The following PRKG1 variants were observed in gnomAD, a reference collection of about 807,000 sequenced individuals.
PRKG1 encodes the protein cGMP-dependent protein kinase 1.
Under a neutral mutation model 88.1 loss-of-function variants are expected in PRKG1, and 35 were observed. The ratio of observed to expected loss-of-function variants is 0.40; its 90% CI spans 0.30 to 0.53. The LOEUF is 0.53. Among genes scored for constraint, PRKG1 ranks in the 20% least tolerant of loss-of-function variants. PRKG1 has a pLI of 0.59. For missense variants in PRKG1, 540 were observed against 839.8 expected, an observed-to-expected ratio of 0.64 and a Z score of 4.41; for synonymous variants, 303 against 292.5, an observed-to-expected ratio of 1.04 and a Z score of -0.37.
chr10:51,611,195 T>C (rs1475897967), intron 3 of PRKG1, among the ~76,000 whole-genome samples: 1 of 152,202 alleles, frequency 6.6e-6, no homozygotes, highest in African/African-American at 2.4e-5. Flanking sequence ...TTTTGAGAAA[T>C]CTTCAAACTG....
rs151331486 is a variant in PRKG1 at position 51,617,065 on chromosome 10, G to A, written c.592+149229G>A. Among the ~76,000 whole-genome samples the A allele has an allele frequency of 2.8e-3, 422 of 152,244 alleles. 1 individual carries two copies. Among genetic ancestry groups the A allele is most frequent in the African/African-American group, 9.8e-3 (408 of 41,542 alleles). On this transcript the variant is annotated intron_variant, in intron 3 of 17. Transcript: ENST00000373980. The stretch of plus-strand genomic sequence containing the variant: ...AGCATGAGCTTCCCTCTGGAGCAAT[G>A]CCATTGCACAGTCTCTCAGCAGCTC...
intron 1 of PRKG1, among the ~76,000 whole-genome samples, chr10:51,122,122 G>T (rs903918391): frequency 6.6e-6 from 1 of 152,178 alleles, no homozygotes; most frequent in African/African-American, 2.4e-5. Context: ...CAAACTAGCA[G>T]CTCTCTATTA....
At chr10:51,531,189 T>C (rs1434864073) in intron 3 of PRKG1, among the ~76,000 whole-genome samples, 1 of 152,206 alleles carries the variant, frequency 6.6e-6, no homozygotes, top group East Asian at 1.9e-4. Flanking sequence ...AATGGTCCTA[T>C]TATAGCCCTC....
chr10:52,233,099 C>A (rs1840565153), intron 9 of PRKG1, among the ~76,000 whole-genome samples: 1 of 151,420 alleles, frequency 6.6e-6, no homozygotes, highest in Non-Finnish European at 1.5e-5. Flanking sequence ...CTTGCAAAAC[C>A]CAATTAATTC....
At chr10:52,005,761 T>C (rs972991747) in intron 5 of PRKG1, among the ~76,000 whole-genome samples, 3 of 152,112 alleles carry the variant, frequency 2.0e-5, no homozygotes, top group African/African-American at 7.2e-5. Context: ...CCACCAATCT[T>C]ACCTCCCATA....
In PRKG1 at chr10:51,549,120, C is replaced by CTTTT. The variant is rs56045527; in HGVS notation, c.592+81302_592+81305dup. Among the ~76,000 whole-genome samples, 111 of 70,322 alleles carry CTTTT rather than the reference C, an allele frequency of 1.6e-3. 5 individuals carry two copies. In the Middle Eastern group the frequency reaches 0.036, roughly 23 times the overall value. The allele number at this position is 70,322 out of a possible 152,430, so 46.1% of individuals were successfully genotyped here. A position where few individuals can be genotyped will look rare whatever the true frequency, so the allele number is the denominator to read the frequency against. On this transcript the variant is annotated intron_variant, in intron 3 of 17. Transcript: ENST00000373980. ...TTCTTTCCTTTCTTTCTTTTCTTTT[C>CTTTT]TTTTTTTTTTTTTTTTTTTTTGAGA...
intron 8 of PRKG1, among the ~76,000 whole-genome samples, chr10:52,156,049 A>G (rs1838085642): frequency 6.6e-6 from 1 of 151,978 alleles, no homozygotes; most frequent in Non-Finnish European, 1.5e-5. Flanking sequence ...AACAGTTTAA[A>G]TGAAGTGTTT....
chr10:51,960,553 A>G lies in PRKG1; in HGVS notation c.762+52983A>G, dbSNP rs543512086. On this transcript the variant is annotated intron_variant, in intron 5 of 17. Coordinates refer to ENST00000373980, the MANE Select transcript of PRKG1 (RefSeq NM_006258.4). ...CGTTTTCTATTTTTTCTGTTCATGT[A>G]GTGTCACATTGATTCTATATCGTTA... 2.9e-4 allele frequency among the ~76,000 whole-genome samples: 44 copies of G among 149,666 alleles called. No individual in the cohort carries two copies. The South Asian group carries it at 9.0e-3, about 31-fold the overall frequency.
intron 3 of PRKG1, among the ~76,000 whole-genome samples, chr10:51,484,788 T>C (rs1349552753): frequency 6.6e-6 from 1 of 152,204 alleles, no homozygotes; most frequent in Non-Finnish European, 1.5e-5. Flanking sequence ...TGAATTGTTA[T>C]GCCTGAGTAT....
In PRKG1 at chr10:52,150,375, C is replaced by T. The variant is rs568345121; in HGVS notation, c.1002-11514C>T. Reference sequence around the variant, plus strand: ...GTTCAAATCCCAGTGTTGACACTTACTAGACATGTGACCTCGAGCAAATTA... The same window carrying T: ...GTTCAAATCCCAGTGTTGACACTTATTAGACATGTGACCTCGAGCAAATTA... On this transcript the variant is annotated intron_variant, in intron 8 of 17. Transcript: ENST00000373980. Among the ~76,000 whole-genome samples the T allele has an allele frequency of 3.9e-5, 6 of 152,074 alleles. No homozygotes were observed. The South Asian group carries it at 1.2e-3, about 32-fold the overall frequency.
chr10:51,178,725 A>G (rs1452555976), intron 2 of PRKG1, among the ~76,000 whole-genome samples: 3 of 152,194 alleles, frequency 2.0e-5, no homozygotes, highest in African/African-American at 7.2e-5. Context: ...AGTTGGCCTG[A>G]GACATATCTC....
rs577878345 is a variant in PRKG1 at position 51,741,164 on chromosome 10, A to T, written c.593-63421A>T. 1.9e-3 allele frequency among the ~76,000 whole-genome samples: 295 copies of T among 152,272 alleles called. 3 individuals are homozygous for T. Among genetic ancestry groups the T allele is most frequent in the Non-Finnish European group, 1.9e-3 (131 of 68,012 alleles). On this transcript the variant is annotated intron_variant, in intron 3 of 17. Coordinates refer to ENST00000373980, the MANE Select transcript of PRKG1 (RefSeq NM_006258.4). ...TTTGGTGAAAAAAAAAAGACATTGA[A>T]ATAACTACTGGAATAAATTACTGAG...
chr10:51,188,237 G>T (rs1484544145), intron 2 of PRKG1, among the ~76,000 whole-genome samples: 1 of 151,972 alleles, frequency 6.6e-6, no homozygotes, highest in Non-Finnish European at 1.5e-5. Flanking sequence ...ACCTCAGCTA[G>T]CCATGGGCTA....
intron 2 of PRKG1, among the ~76,000 whole-genome samples, chr10:51,216,230 A>C (rs1838367861): frequency 6.6e-6 from 1 of 152,224 alleles, no homozygotes; most frequent in East Asian, 1.9e-4. Flanking sequence ...ACTAAAGATA[A>C]CTACTTGGTA....
intron 2 of PRKG1, among the ~76,000 whole-genome samples, chr10:51,290,909 C>G (rs1840566581): frequency 6.6e-6 from 1 of 152,040 alleles, no homozygotes; most frequent in African/African-American, 2.4e-5. Flanking sequence ...CCATATTTTT[C>G]CATTTACCTA....
intron 3 of PRKG1, among the ~76,000 whole-genome samples, chr10:51,701,970 C>T (rs1489846951): frequency 3.3e-5 from 5 of 152,144 alleles, no homozygotes; most frequent in Admixed American, 3.3e-4. Context: ...GTTTGGAGAT[C>T]TTTAAGAATC....
intron 7 of PRKG1, among the ~76,000 whole-genome samples, chr10:52,108,251 A>G (rs943612301): frequency 1.3e-5 from 2 of 152,244 alleles, no homozygotes; most frequent in Admixed American, 6.5e-5. Flanking sequence ...TAAGATGTTG[A>G]CATGTACATC....
chr10:51,519,402 T>C (rs549904880), intron 3 of PRKG1, among the ~76,000 whole-genome samples: 1 of 152,250 alleles, frequency 6.6e-6, no homozygotes, highest in African/African-American at 2.4e-5. Flanking sequence ...GACTGAAAAC[T>C]CATTCCATTT....
chr10:51,280,065 C>G (rs1363531771), intron 2 of PRKG1, among the ~76,000 whole-genome samples: 2 of 152,112 alleles, frequency 1.3e-5, no homozygotes, highest in African/African-American at 4.8e-5. Context: ...GTAGGGCAGG[C>G]CTGGTGGTGA....
Sources: gnomAD v4.1 joint callset for allele counts (sites outside exome capture counted in the v4.1 genomes callset) on GRCh38, gnomAD v4.1.1 for gene constraint, MANE v1.5 for transcripts, NCBI Gene and HGNC (gene_info 2026-07-23, HGNC 2026-07-21) for gene names.